The following CRHR2 variants were observed in gnomAD, a reference collection of about 807,000 sequenced individuals.
CRHR2 encodes the protein corticotropin-releasing hormone receptor 2.
CRHR2 carries 53 observed loss-of-function variants against 57.9 expected under a neutral mutation model. That is an observed-to-expected ratio of 0.92 (90% CI 0.73 to 1.15). CRHR2 has a LOEUF of 1.15. Ranked by LOEUF, CRHR2 falls within the 50% of genes most tolerant of loss-of-function variation. The pLI, the probability that CRHR2 is intolerant of heterozygous loss-of-function variation, is 0.00. For synonymous variants in CRHR2, 213 were observed against 220.9 expected, an observed-to-expected ratio of 0.96 and a Z score of 0.32; for missense variants, 532 against 542.6, an observed-to-expected ratio of 0.98 and a Z score of 0.19.
Position 30,660,624 on chromosome 7 carries a change from A to T in CRHR2, c.780T>A (p.Pro260=). The T allele has an allele frequency of 6.4e-7, 1 of 1,571,402 alleles. No homozygotes were observed. The highest frequency in any genetic ancestry group is 8.6e-7 in the Non-Finnish European group (1 of 1,157,978). Residue 260 remains proline, a synonymous_variant, in exon 8 of 12, where the codon CCT becomes CCA. Transcript: ENST00000471646. ...ENEQCWFGKE[P]GDLVDYIYQG... ...GGTAGATGTAGTCCACCAGGTCGCC[A>T]GGCTCCTTGCCAAACCAGCACCTGT...
intron 1 of CRHR2, among the ~76,000 whole-genome samples, chr7:30,694,267 C>G (rs1379807090): frequency 2.0e-5 from 3 of 152,216 alleles, no homozygotes; most frequent in Admixed American, 1.3e-4. Flanking sequence ...GTGTGAGGGC[C>G]CAGGTCCTGG....
At chr7:30,689,268 T>C (rs771245404) in exon 2 of CRHR2, 1 of 1,550,430 alleles carries the variant, frequency 6.4e-7, no homozygotes, top group South Asian at 1.2e-5. Context: ...TTTGGGCATC[T>C]GGCTCTGCCC....
chr7:30,655,694 C>A lies in CRHR2; in HGVS notation c.939G>T (p.Leu313=). The A allele has an allele frequency of 1.9e-6, 3 of 1,613,984 alleles. No individual in the cohort carries two copies. The highest frequency in any genetic ancestry group is 2.5e-6 in the Non-Finnish European group (3 of 1,179,880). ...TGATGCCCAGGAGGGGCAGGAGCAC[C>A]AGGGTGGCCTTCACTGCCTTCCTGG... is the stretch of plus-strand genomic sequence containing the variant. ...IQYRKAVKAT[L]VLLPLLGITY... The change falls in exon 10 of 12, where the codon CTG becomes CTT. Residue 313 remains leucine (L), a synonymous_variant. Transcript: ENST00000471646.
upstream of CRHR2, among the ~76,000 whole-genome samples, chr7:30,685,052 TG>T (rs1309374245): frequency 6.6e-6 from 1 of 152,152 alleles, no homozygotes; most frequent in Non-Finnish European, 1.5e-5. Context: ...CCCAAGCTGT[TG>T]GGGACAGGTT....
At chr7:30,683,279 A>G (rs1330677405), upstream of CRHR2, among the ~76,000 whole-genome samples, 1 of 152,174 alleles carries the variant, frequency 6.6e-6, no homozygotes, top group Admixed American at 6.5e-5. Flanking sequence ...AGAAGTGAGA[A>G]TGTGTCTCTC....
intron 8 of CRHR2, among the ~76,000 whole-genome samples, chr7:30,659,454 G>A (rs1455452327): frequency 6.6e-6 from 1 of 152,208 alleles, no homozygotes; most frequent in African/African-American, 2.4e-5. Flanking sequence ...TTGGCAGCTG[G>A]TTGGGAGGGA....
At chr7:30,674,648 G>C (rs1409833507) in intron 2 of CRHR2, among the ~76,000 whole-genome samples, 1 of 152,158 alleles carries the variant, frequency 6.6e-6, no homozygotes, top group East Asian at 1.9e-4. Flanking sequence ...ATCCCTCCAG[G>C]GGGGCAAGGG....
At chr7:30,696,517 C>T (rs970246006) in intron 1 of CRHR2, among the ~76,000 whole-genome samples, 19 of 152,044 alleles carry the variant, frequency 1.2e-4, no homozygotes, top group Non-Finnish European at 2.2e-4. Flanking sequence ...GTCAGGAGAT[C>T]GAGACCATCC....
chr7:30,655,084 G>A lies in CRHR2; in HGVS notation c.1054-4C>T. 1 of 1,612,582 alleles carries A rather than the reference G, an allele frequency of 6.2e-7. No individual in the cohort carries two copies. The highest frequency in any genetic ancestry group is 8.5e-7 in the Non-Finnish European group (1 of 1,179,212). On this transcript the variant is annotated splice_region_variant and splice_polypyrimidine_tract_variant and intron_variant, in intron 10 of 11. Transcript: ENST00000471646. ...AGAAGACAGACACGAAGAAACCCTG[G>A]AAAGGAGGGAAAGGAGGGAGTGGTC...
At chr7:30,662,087 C>A in intron 7 of CRHR2, 69 bp downstream of exon 7, 3 of 1,558,510 alleles carry the variant, frequency 1.9e-6, no homozygotes, top group South Asian at 1.1e-5. Context: ...GGCCAGAGCC[C>A]AAGGCTGACC....
chr7:30,683,396 C>T (rs936247398), upstream of CRHR2, among the ~76,000 whole-genome samples: 42 of 152,258 alleles, frequency 2.8e-4, no homozygotes, highest in African/African-American at 9.9e-4. Flanking sequence ...GAGCTGGAAA[C>T]CTCCCCAGAG....
chr7:30,699,552 G>A (rs896847875), intron 1 of CRHR2, among the ~76,000 whole-genome samples: 3 of 151,980 alleles, frequency 2.0e-5, no homozygotes, highest in Non-Finnish European at 4.4e-5. Context: ...TCATGGGGGT[G>A]GGGAGAGAAT....
chr7:30,665,750 C>G lies in CRHR2; in HGVS notation c.316-111G>C. 1.2e-6 allele frequency: 1 copy of G among 840,616 alleles called. No individual in the cohort carries two copies. Among genetic ancestry groups the G allele is most frequent in the Non-Finnish European group, 1.9e-6 (1 of 532,416 alleles). 52.1% of individuals were successfully genotyped at this position (840,616 alleles called of 1,614,324 possible). On this transcript the variant is annotated intron_variant, in intron 3 of 11. Transcript: ENST00000471646. This position sits in a 1 kb window ranked among gnomAD's most constrained non-coding sequence, Gnocchi z 4.5. ...TCCTGACCTTGGGGGCAGAAGTGCT[C>G]CAGGTGTCATTGCCGTGCCTGGCTC...
At chr7:30,692,840 C>T (rs115059018) in intron 1 of CRHR2, among the ~76,000 whole-genome samples, 2,758 of 152,296 alleles carry the variant, frequency 0.018, 47 homozygotes, top group East Asian at 0.068. Context: ...AGCGAAGTCA[C>T]CCACCAAAGG....
intron 1 of CRHR2, among the ~76,000 whole-genome samples, chr7:30,697,713 C>G (rs186419330): frequency 6.6e-6 from 1 of 152,338 alleles, no homozygotes; most frequent in Non-Finnish European, 1.5e-5. Flanking sequence ...ACCCATACAG[C>G]TCTGCAGTCT....
chr7:30,672,260 T>C (rs906528347), intron 2 of CRHR2, among the ~76,000 whole-genome samples: 1 of 152,248 alleles, frequency 6.6e-6, no homozygotes, highest in African/African-American at 2.4e-5. Flanking sequence ...TGTGACTGCC[T>C]GGCTCATGCT....
chr7:30,655,439 G>C (rs1054571626), intron 10 of CRHR2, 141 bp downstream of exon 10: 3 of 1,076,358 alleles, frequency 2.8e-6, no homozygotes, highest in Middle Eastern at 3.0e-4. Flanking sequence ...CTCAGGCTGA[G>C]CATGTACGGG....
At chr7:30,658,990 G>A (rs566443429) in intron 8 of CRHR2, among the ~76,000 whole-genome samples, 1 of 152,258 alleles carries the variant, frequency 6.6e-6, no homozygotes, top group African/African-American at 2.4e-5. Context: ...TTGAGCCTCT[G>A]CTCTGCTAGC....
At chr7:30,681,874 A>C in intron 2 of CRHR2, 41 bp downstream of exon 2, 1 of 1,580,792 alleles carries the variant, frequency 6.3e-7, no homozygotes, top group Admixed American at 1.9e-5. Flanking sequence ...CCTTCTCAGG[A>C]GGCCGGTGTA....
Sources: gnomAD v4.1 joint callset for allele counts (sites outside exome capture counted in the v4.1 genomes callset) on GRCh38, gnomAD v4.1.1 for gene constraint, Gnocchi (gnomAD v3.1) non-coding constraint, MANE v1.5 for transcripts, NCBI Gene and HGNC (gene_info 2026-07-23, HGNC 2026-07-21) for gene names.